The following PDE1C variants were observed in gnomAD, a reference collection of about 807,000 sequenced individuals.
PDE1C encodes the protein dual specificity calcium/calmodulin-dependent 3',5'-cyclic nucleotide phosphodiesterase 1C.
A neutral mutation model predicts 93.1 loss-of-function variants in PDE1C; 62 were observed. The ratio of observed to expected loss-of-function variants is 0.67; its 90% confidence interval spans 0.54 to 0.82. The LOEUF (loss-of-function observed/expected upper bound fraction) is 0.82. PDE1C is among the 40% of genes least tolerant of loss of function. PDE1C has a pLI of 0.00. For synonymous variants in PDE1C, 325 were observed against 310.1 expected (o/e 1.05, Z -0.50); for missense variants, 742 against 884.6 (o/e 0.84, Z 2.04).
the PDE1C span, chr7:31,651,793 T>A: frequency 3.6e-6 from 2 of 563,044 alleles, no homozygotes; most frequent in Non-Finnish European, 6.4e-6. Context: ...GAAGACAACC[T>A]TAGTAATGTC....
chr7:32,374,888 G>C, intron 1 of PDE1C, among the ~76,000 whole-genome samples: 1 of 152,266 alleles, frequency 6.6e-6, no homozygotes, highest in South Asian at 2.1e-4. Flanking sequence ...ATGGTGCCCA[G>C]CTCCAGACAG....
intron 2 of PDE1C, among the ~76,000 whole-genome samples, chr7:31,923,830 T>A (rs990407052): frequency 2.0e-5 from 3 of 152,106 alleles, no homozygotes; most frequent in Admixed American, 6.5e-5. Context: ...TAATAATAAA[T>A]TTTTAACATA....
chr7:31,827,338 G>C (rs954664004), intron 12 of PDE1C, among the ~76,000 whole-genome samples: 2 of 152,008 alleles, frequency 1.3e-5, no homozygotes, highest in Non-Finnish European at 2.9e-5. Flanking sequence ...CACTTCTTGG[G>C]ACTCAATTCA....
intron 1 of PDE1C, among the ~76,000 whole-genome samples, chr7:32,251,036 G>A (rs550706814): frequency 4.6e-5 from 7 of 152,316 alleles, no homozygotes; most frequent in South Asian, 2.1e-4. Context: ...AGAAAATGAC[G>A]GATTATCAAC....
chr7:32,328,104 A>G (rs894990458), intron 1 of PDE1C, among the ~76,000 whole-genome samples: 3 of 152,340 alleles, frequency 2.0e-5, no homozygotes, highest in Admixed American at 6.5e-5. Context: ...GTATATATTT[A>G]TCTTTAGTAG....
intron 16 of PDE1C, among the ~76,000 whole-genome samples, chr7:31,794,077 C>T (rs71532995): frequency 0.13 from 16,965 of 127,556 alleles, 1,295 homozygotes; most frequent in Middle Eastern, 0.2. Context: ...GACAGACAGA[C>T]AGACAGACAG....
chr7:31,705,947 G>C, the PDE1C span, among the ~76,000 whole-genome samples: 3 of 134,844 alleles, frequency 2.2e-5, no homozygotes, highest in Non-Finnish European at 4.7e-5. Flanking sequence ...GATCAGTCCA[G>C]AAAATTGTGC....
chr7:32,367,149 C>T (rs1309603317), intron 1 of PDE1C, among the ~76,000 whole-genome samples: 1 of 152,040 alleles, frequency 6.6e-6, no homozygotes, highest in Non-Finnish European at 1.5e-5. Flanking sequence ...AAGAGATATA[C>T]CATTAATAGA....
the PDE1C span, among the ~76,000 whole-genome samples, chr7:31,621,060 AAG>A: frequency 5.9e-5 from 9 of 151,904 alleles, no homozygotes; most frequent in African/African-American, 2.2e-4. Context: ...TTAGAGAAAA[AAG>A]AATAAAAAGA....
intron 1 of PDE1C, among the ~76,000 whole-genome samples, chr7:32,373,003 T>C (rs989862620): frequency 1.3e-5 from 2 of 152,224 alleles, no homozygotes; most frequent in African/African-American, 2.4e-5. Flanking sequence ...CCCTAACATA[T>C]TGTTAATGCA....
chr7:32,170,032 G>A, intron 2 of PDE1C: 2 of 1,302,242 alleles, frequency 1.5e-6, no homozygotes, highest in Admixed American at 1.9e-5. Context: ...CCCAACTCAG[G>A]ATCTTCCAAA....
intron 1 of PDE1C, among the ~76,000 whole-genome samples, chr7:32,334,250 A>AT (rs1179132172): frequency 6.6e-6 from 1 of 152,180 alleles, no homozygotes; most frequent in East Asian, 1.9e-4. Context: ...AAGATCCTTA[A>AT]TTTTTTGGAT....
chr7:32,265,189 A>G (rs11773754), intron 1 of PDE1C, among the ~76,000 whole-genome samples: 17,842 of 152,292 alleles, frequency 0.12, 1,204 homozygotes, highest in African/African-American at 0.16. Flanking sequence ...CCCTTAGCCC[A>G]GATATTTATA....
rs1585035161 is a variant in PDE1C, at chr7:32,254,555, T to A, written c.85+44096A>T. Among the ~76,000 whole-genome samples, 4 of 152,310 alleles carry A rather than the reference T, an allele frequency of 2.6e-5. No homozygotes were observed. In the South Asian group the frequency reaches 6.2e-4, roughly 24 times the overall value. ...TCATATTCCAAAAGCAATAAATAAA[T>A]GCAGTTTTCTAGGTAGATAATGAAG... is the stretch of plus-strand genomic sequence containing the variant. On this transcript the variant is annotated intron_variant, in intron 1 of 18. Coordinates refer to the PDE1C transcript ENST00000396193.
At chr7:31,635,314 C>A in the PDE1C span, among the ~76,000 whole-genome samples, 1 of 152,178 alleles carries the variant, frequency 6.6e-6, no homozygotes, top group African/African-American at 2.4e-5. Context: ...CTTGAAGAAA[C>A]TAAACCATCA....
intron 3 of PDE1C, among the ~76,000 whole-genome samples, chr7:32,163,865 G>A (rs918096372): frequency 6.6e-6 from 1 of 152,104 alleles, no homozygotes; most frequent in Non-Finnish European, 1.5e-5. Flanking sequence ...GGGTGTAGAG[G>A]ATCAGTCTTC....
chr7:31,786,933 CTATCTATCTATCTATCTATCTATCATCT>C (rs1180176881), intron 16 of PDE1C: 123 of 106,956 alleles, frequency 1.2e-3, no homozygotes, highest in African/African-American at 2.8e-3. Context: ...ATCTATCTAT[CTATCTATCTATCTATCTATCTATCATCT>C]ATCTATCTAT....
chr7:31,739,047 C>G, the PDE1C span, among the ~76,000 whole-genome samples: 3 of 150,780 alleles, frequency 2.0e-5, no homozygotes, highest in Non-Finnish European at 4.4e-5. Context: ...ATCCTACACC[C>G]CTATAAATGC....
chr7:31,984,727 G>A lies in PDE1C; in HGVS notation c.128+66827C>T, dbSNP rs147579799. The stretch of plus-strand genomic sequence containing the variant: ...CCTGAGGAAGGTCCCCTTTGATGGA[G>A]TAATCTTTTAAAAATTTATTCTGTT... On this transcript the variant is annotated intron_variant, in intron 2 of 17. Coordinates refer to ENST00000396191, the MANE Select transcript of PDE1C (RefSeq NM_001191057.4). Among the ~76,000 whole-genome samples, 85 of 152,334 alleles carry A rather than the reference G, an allele frequency of 5.6e-4. 1 individual carries two copies. The highest frequency in any genetic ancestry group is 1.9e-3 in the African/African-American group (80 of 41,572).
Sources: allele counts gnomAD v4.1 joint callset (sites outside exome capture counted in the v4.1 genomes callset), GRCh38; gene constraint gnomAD v4.1.1; transcripts MANE v1.5; gene names NCBI Gene and HGNC (gene_info 2026-07-23, HGNC 2026-07-21).